Variants in SLC4A10 observed in about 807,000 individuals in gnomAD.
SLC4A10 encodes solute carrier family 4 member 10.
Under a neutral mutation model 137.7 loss-of-function variants are expected in SLC4A10, and 42 were observed. The observed-to-expected ratio is 0.30, with a 90% CI of 0.24 to 0.39. The LOEUF is 0.39. Among genes scored for constraint, SLC4A10 ranks in the 10% least tolerant of loss-of-function variants. The pLI, the probability that SLC4A10 is intolerant of heterozygous loss-of-function variation, is 1.00. For synonymous variants in SLC4A10, 474 were observed against 464.1 expected, an observed-to-expected ratio of 1.02 and a Z score of -0.27; for missense variants, 925 against 1,355.0, an observed-to-expected ratio of 0.68 and a Z score of 4.98.
chr2:161,891,226 C>T (rs946366868), intron 10 of SLC4A10, among the ~76,000 whole-genome samples: 2 of 152,172 alleles, frequency 1.3e-5, no homozygotes, highest in African/African-American at 4.8e-5. Context: ...CTGCCCTTAA[C>T]ATTTTTCCCT....
chr2:161,627,633 T>A lies in SLC4A10; in HGVS notation c.48+3067T>A, dbSNP rs201120530. Among the ~76,000 whole-genome samples, 22 of 152,244 alleles carry A rather than the reference T, an allele frequency of 1.4e-4. No homozygotes were observed. In the East Asian group the frequency reaches 3.3e-3, roughly 23 times the overall value. On this transcript the variant is annotated intron_variant, in intron 1 of 26. Transcript: ENST00000446997. Reference sequence around the variant, plus strand: ...GAGGCCTAGATATGTTTCTCTTTTTTTCCCAGTCCTTCTTAGGAAGCTTCA... The same window carrying A: ...GAGGCCTAGATATGTTTCTCTTTTTATCCCAGTCCTTCTTAGGAAGCTTCA...
At chr2:161,923,492 T>C (rs1688504906) in intron 15 of SLC4A10, among the ~76,000 whole-genome samples, 1 of 152,198 alleles carries the variant, frequency 6.6e-6, no homozygotes, top group Non-Finnish European at 1.5e-5. Flanking sequence ...TGTATATTAA[T>C]TCATTTAATT....
In SLC4A10 at chr2:161,862,815, G is replaced by A. The variant is rs566160468; in HGVS notation, c.578-59G>A. ...TGCATATTTGGACTCAGTGGTTCAC[G>A]GCTGGCACACGTTCTAGAGGAAAGC... On this transcript the variant is annotated intron_variant, in intron 5 of 26. Coordinates refer to ENST00000446997, the MANE Select transcript of SLC4A10 (RefSeq NM_001178015.2). 2.3e-5 allele frequency: 31 copies of A among 1,362,684 alleles called. No individual in the cohort carries two copies. The South Asian group carries it at 3.7e-4, about 16-fold the overall frequency. 84.4% of individuals were successfully genotyped at this position (1,362,684 alleles called of 1,614,324 possible).
intron 9 of SLC4A10, among the ~76,000 whole-genome samples, chr2:161,881,299 A>C (rs969371443): frequency 2.0e-5 from 3 of 152,076 alleles, no homozygotes; most frequent in Non-Finnish European, 4.4e-5. Flanking sequence ...TTTCTTAAAA[A>C]GCTATTATAG....
chr2:161,630,438 G>C (rs901336894), intron 1 of SLC4A10, among the ~76,000 whole-genome samples: 1 of 151,534 alleles, frequency 6.6e-6, no homozygotes, highest in Middle Eastern at 3.2e-3. Flanking sequence ...TTAATAGATA[G>C]ATTCATATAT....
At chr2:161,753,367 T>G (rs749794735) in intron 1 of SLC4A10, among the ~76,000 whole-genome samples, 27 of 152,196 alleles carry the variant, frequency 1.8e-4, no homozygotes, top group Non-Finnish European at 4.4e-5. Flanking sequence ...TTTACACTAT[T>G]TCAAAAACTC....
intron 5 of SLC4A10, among the ~76,000 whole-genome samples, chr2:161,859,171 C>T (rs533929271): frequency 1.3e-5 from 2 of 152,200 alleles, no homozygotes; most frequent in African/African-American, 4.8e-5. Flanking sequence ...TATGTCATAA[C>T]CTCTAGGGGC....
intron 3 of SLC4A10, among the ~76,000 whole-genome samples, chr2:161,817,207 G>C (rs2057166186): frequency 6.6e-6 from 1 of 152,188 alleles, no homozygotes; most frequent in African/African-American, 2.4e-5. Flanking sequence ...TTGTGGTTTT[G>C]ATTTGCATTT....
At chr2:161,855,212 A>G (rs1419918625) in intron 5 of SLC4A10, 82 bp downstream of exon 5, 1 of 1,341,212 alleles carries the variant, frequency 7.5e-7, no homozygotes, top group African/African-American at 1.5e-5. Flanking sequence ...CAATATACGT[A>G]TGAACTTTGG....
At chr2:161,653,486 T>C (rs6734286) in intron 1 of SLC4A10, among the ~76,000 whole-genome samples, 132,599 of 152,204 alleles carry the variant, frequency 0.87, 58,387 homozygotes, top group East Asian at 1. Context: ...ATTCCCATTT[T>C]TCCACATCCT....
chr2:161,641,987 T>C (rs2035385472), intron 1 of SLC4A10, among the ~76,000 whole-genome samples: 1 of 152,006 alleles, frequency 6.6e-6, no homozygotes, highest in African/African-American at 2.4e-5. Context: ...TAATTCCATC[T>C]GTTTCCTTTT....
At chr2:161,693,529 TA>T (rs1009267064) in intron 1 of SLC4A10, among the ~76,000 whole-genome samples, 3 of 152,162 alleles carry the variant, frequency 2.0e-5, no homozygotes, top group African/African-American at 7.2e-5. Flanking sequence ...ATCTGGCTTT[TA>T]TTTTTTTCAG....
chr2:161,804,367 A>C (rs1013520697), intron 2 of SLC4A10, 82 bp from the exon 3 acceptor site: 46 of 1,397,510 alleles, frequency 3.3e-5, no homozygotes, highest in Non-Finnish European at 4.2e-5. Context: ...AATTAAATTG[A>C]GTCTCCATTA....
intron 6 of SLC4A10, among the ~76,000 whole-genome samples, chr2:161,867,613 A>G (rs947527644): frequency 6.6e-6 from 1 of 152,038 alleles, no homozygotes; most frequent in Non-Finnish European, 1.5e-5. Context: ...ACATAATTCT[A>G]GTATGAAGTG....
At chr2:161,659,760 A>G (rs929889685) in intron 1 of SLC4A10, among the ~76,000 whole-genome samples, 5 of 152,254 alleles carry the variant, frequency 3.3e-5, no homozygotes, top group Non-Finnish European at 7.3e-5. Context: ...TCAAATGCCC[A>G]TCAACTGATG....
Position 161,694,212 on chromosome 2 carries a change from C to G in SLC4A10, c.48+69646C>G, listed in dbSNP as rs533650674. Among the ~76,000 whole-genome samples, 10 of 152,010 alleles carry G rather than the reference C, an allele frequency of 6.6e-5. No individual in the cohort carries two copies. The South Asian group carries it at 2.1e-3, about 31-fold the overall frequency. ...AATCAAAATTGTAAGGTCAGAGGAACAAATATTTGCATTTAGGGATTAATG... is the reference window on the plus strand; with the variant it reads ...AATCAAAATTGTAAGGTCAGAGGAAGAAATATTTGCATTTAGGGATTAATG... On this transcript the variant is annotated intron_variant, in intron 1 of 26. Coordinates refer to ENST00000446997, the MANE Select transcript of SLC4A10 (RefSeq NM_001178015.2).
At chr2:161,903,913 T>C in intron 12 of SLC4A10, 91 bp from the exon 13 acceptor site, 2 of 1,297,824 alleles carry the variant, frequency 1.5e-6, no homozygotes, top group Non-Finnish European at 2.1e-6. Context: ...GGAAAACGTA[T>C]ACTGTGACCT....
At position 161,661,094 on chromosome 2, in the gene SLC4A10, T is replaced by A. The variant is rs1574181002; in HGVS notation, c.48+36528T>A. Among the ~76,000 whole-genome samples the A allele has an allele frequency of 2.0e-5, 3 of 152,306 alleles. No homozygotes were observed. In the South Asian group the frequency reaches 6.2e-4, roughly 32 times the overall value. On this transcript the variant is annotated intron_variant, in intron 1 of 26. Transcript: ENST00000446997. ...CGATTTTTAATTTATATCATATAAT[T>A]TCCTTTTCTATCTGCTGTTCATTAG... is the stretch of plus-strand genomic sequence containing the variant.
intron 1 of SLC4A10, among the ~76,000 whole-genome samples, chr2:161,666,286 A>G (rs191134490): frequency 6.6e-6 from 1 of 151,748 alleles, no homozygotes; most frequent in Admixed American, 6.6e-5. Context: ...GAAGCTTTGA[A>G]ATGATACTCT....
Sources: allele counts gnomAD v4.1 joint callset (sites outside exome capture counted in the v4.1 genomes callset), GRCh38; gene constraint gnomAD v4.1.1; transcripts MANE v1.5; gene names NCBI Gene and HGNC (gene_info 2026-07-23, HGNC 2026-07-21).